Variants in SPIDR observed in about 807,000 individuals in gnomAD.
SPIDR encodes the protein DNA repair-scaffolding protein.
Under a neutral mutation model 104.6 loss-of-function variants are expected in SPIDR, and 93 were observed. The ratio of observed to expected loss-of-function variants is 0.89; its 90% confidence interval spans 0.75 to 1.06. The LOEUF (loss-of-function observed/expected upper bound fraction) is 1.06, where lower values mean the gene tolerates loss of function less well. Among genes scored for constraint, SPIDR ranks in the 50% least tolerant of loss-of-function variants. The pLI is 0.00. For synonymous variants in SPIDR, 431 were observed against 416.9 expected (o/e 1.03, Z -0.41); for missense variants, 1,154 against 1,111.2 (o/e 1.04, Z -0.55).
In SPIDR at chr8:47,599,028, C is replaced by T. The variant is rs776837639; in HGVS notation, c.1376C>T (p.Thr459Ile). 2 of 1,613,274 alleles carry T rather than the reference C, an allele frequency of 1.2e-6. No homozygotes were observed. The highest frequency in any genetic ancestry group is 1.1e-5 in the South Asian group (1 of 90,916). ...KEAKQRIPTS[T>I]PLRDSLLDVV... ...GCAAAACAGCGCATCCCAACCAGCA[C>T]TCCCCTGAGGGATTCTCTCCTGGAT... is the stretch of plus-strand genomic sequence containing the variant. Residue 459 changes from threonine to isoleucine, a missense_variant, in exon 10 of 20, where the codon ACT becomes ATT. Physicochemically the swap from Thr to Ile is moderately conservative, Grantham distance 89. Coordinates refer to ENST00000297423, the MANE Select transcript of SPIDR (RefSeq NM_001080394.4).
intron 11 of SPIDR, among the ~76,000 whole-genome samples, chr8:47,695,239 A>G (rs2079167139): frequency 1.3e-5 from 2 of 152,146 alleles, no homozygotes; most frequent in East Asian, 3.8e-4. Context: ...CCACTTTAAG[A>G]ATGACTAGTC....
At chr8:47,587,296 T>G (rs990102591) in intron 8 of SPIDR, among the ~76,000 whole-genome samples, 24 of 152,266 alleles carry the variant, frequency 1.6e-4, no homozygotes, top group African/African-American at 5.8e-4. Context: ...TATCCTTCCT[T>G]AATTGAATTG....
At chr8:47,637,883 C>T (rs2068209471) in intron 10 of SPIDR, among the ~76,000 whole-genome samples, 1 of 152,106 alleles carries the variant, frequency 6.6e-6, no homozygotes, top group East Asian at 1.9e-4. Flanking sequence ...AGCTCCAATC[C>T]CCTTGTTTGA....
chr8:47,472,685 AC>A (rs2075865889), intron 8 of SPIDR, among the ~76,000 whole-genome samples: 1 of 152,196 alleles, frequency 6.6e-6, no homozygotes, highest in African/African-American at 2.4e-5. Flanking sequence ...GCTAGACATC[AC>A]TGACCTCAAA....
At chr8:47,535,717 T>C (rs772791639) in intron 8 of SPIDR, among the ~76,000 whole-genome samples, 2 of 151,994 alleles carry the variant, frequency 1.3e-5, no homozygotes, top group Non-Finnish European at 2.9e-5. Flanking sequence ...AAACTAGCAA[T>C]AGAAGACACA....
chr8:47,532,255 G>T (rs574545653), intron 8 of SPIDR, among the ~76,000 whole-genome samples: 1 of 152,052 alleles, frequency 6.6e-6, no homozygotes, highest in East Asian at 1.9e-4. Context: ...TTTTAGTAGA[G>T]ATGGGGTTTC....
chr8:47,476,504 G>T (rs538975414), intron 8 of SPIDR, among the ~76,000 whole-genome samples: 1 of 152,014 alleles, frequency 6.6e-6, no homozygotes, highest in African/African-American at 2.4e-5. Flanking sequence ...AGACACAGTC[G>T]TGCCATTGTG....
At chr8:47,617,325 A>G (rs1271273727) in intron 10 of SPIDR, among the ~76,000 whole-genome samples, 2 of 152,214 alleles carry the variant, frequency 1.3e-5, no homozygotes, top group Non-Finnish European at 2.9e-5. Context: ...CTGAAGCAAG[A>G]GCATTTGTGA....
intron 8 of SPIDR, among the ~76,000 whole-genome samples, chr8:47,441,227 A>T (rs2069369592): frequency 6.6e-6 from 1 of 152,198 alleles, no homozygotes; most frequent in Non-Finnish European, 1.5e-5. Flanking sequence ...TAATTTTAGC[A>T]GACTTTGTCA....
chr8:47,624,550 G>T (rs1239688747), intron 10 of SPIDR, among the ~76,000 whole-genome samples: 1 of 151,918 alleles, frequency 6.6e-6, no homozygotes, highest in Admixed American at 6.6e-5. Context: ...AATGATAAAG[G>T]GGATATCACC....
chr8:47,515,348 A>G (rs1486605308), intron 8 of SPIDR, among the ~76,000 whole-genome samples: 4 of 152,212 alleles, frequency 2.6e-5, no homozygotes, highest in African/African-American at 4.8e-5. Context: ...GTGTTCTCCA[A>G]ACACTTAGCA....
intron 8 of SPIDR, among the ~76,000 whole-genome samples, chr8:47,445,019 T>C (rs548496857): frequency 6.6e-5 from 10 of 152,360 alleles, no homozygotes; most frequent in Admixed American, 2.0e-4. Context: ...TCGTTTTTGC[T>C]GTTGCTGCTT....
chr8:47,611,687 G>T (rs2063628195), intron 10 of SPIDR, among the ~76,000 whole-genome samples: 1 of 151,526 alleles, frequency 6.6e-6, no homozygotes, highest in South Asian at 2.1e-4. Context: ...AACAGAGCGA[G>T]ACTCCATCTC....
At position 47,735,609 on chromosome 8, in the gene SPIDR, T is replaced by C; in HGVS notation, c.*159T>C. ...TTCTGGGGAAATGTTCAGATACAGT[T>C]TTGTGAACTGTAAATCAAAATACCT... On this transcript the variant is annotated 3_prime_UTR_variant, in exon 20 of 20. Coordinates refer to ENST00000297423, the MANE Select transcript of SPIDR (RefSeq NM_001080394.4). The C allele has an allele frequency of 2.1e-6, 3 of 1,395,712 alleles. No individual in the cohort carries two copies. The highest frequency in any genetic ancestry group is 2.9e-6 in the Non-Finnish European group (3 of 1,044,038). 86.5% of individuals were successfully genotyped at this position (1,395,712 alleles called of 1,614,324 possible).
At chr8:47,489,517 G>C (rs1199204015) in intron 8 of SPIDR, among the ~76,000 whole-genome samples, 3 of 152,112 alleles carry the variant, frequency 2.0e-5, no homozygotes, top group African/African-American at 7.2e-5. Flanking sequence ...AAGTTCCTAT[G>C]GAACCAAAAA....
chr8:47,397,063 G>A (rs908356991), intron 6 of SPIDR, among the ~76,000 whole-genome samples: 1 of 152,184 alleles, frequency 6.6e-6, no homozygotes, highest in East Asian at 1.9e-4. Context: ...TACAGTGTCA[G>A]TCAGGGGCTG....
chr8:47,634,264 C>T (rs1212025053), intron 10 of SPIDR, among the ~76,000 whole-genome samples: 1 of 151,830 alleles, frequency 6.6e-6, no homozygotes, highest in Non-Finnish European at 1.5e-5. Flanking sequence ...CCAGCCTGGC[C>T]AAGATGGTGA....
Position 47,583,581 on chromosome 8 carries a change from C to A in SPIDR, c.1098-12230C>A, listed in dbSNP as rs76645410. ...ACACCACGTGGTGTTGGATTGATTG[C>A]AGCATAAAAAGAAATGGAAAGTTCA... is the stretch of plus-strand genomic sequence containing the variant. On this transcript the variant is annotated intron_variant, in intron 8 of 19. Coordinates refer to ENST00000297423, the MANE Select transcript of SPIDR (RefSeq NM_001080394.4). Among the ~76,000 whole-genome samples the A allele has an allele frequency of 3.9e-5, 6 of 152,198 alleles. No homozygotes were observed. The South Asian group carries it at 1.2e-3, about 32-fold the overall frequency.
At chr8:47,598,822 T>C in intron 9 of SPIDR, 124 bp from the exon 10 acceptor site, 1 of 1,217,086 alleles carries the variant, frequency 8.2e-7, no homozygotes, top group Admixed American at 2.1e-5. Context: ...CACTTCAGTG[T>C]AGTGCAGATC....
Sources: allele counts gnomAD v4.1 joint callset (sites outside exome capture counted in the v4.1 genomes callset), GRCh38; gene constraint gnomAD v4.1.1; transcripts MANE v1.5; gene names NCBI Gene and HGNC (gene_info 2026-07-23, HGNC 2026-07-21).